TCAIM: variants seen among roughly 807,000 people sequenced by gnomAD.
TCAIM encodes the protein T cell activation inhibitor, mitochondrial.
In TCAIM, 36 loss-of-function variants were observed where a neutral mutation model predicts 58.6. That is an observed-to-expected ratio of 0.61 (90% CI 0.47 to 0.81). The LOEUF (loss-of-function observed/expected upper bound fraction) is 0.81, where lower values mean the gene tolerates loss of function less well. Among genes scored for constraint, TCAIM ranks in the 30% least tolerant of loss-of-function variants. TCAIM has a pLI of 0.00. For missense variants in TCAIM, 466 were observed against 579.6 expected (o/e 0.80, Z 2.01); for synonymous variants, 172 against 193.6 (o/e 0.89, Z 0.93).
intron 5 of TCAIM, among the ~76,000 whole-genome samples, chr3:44,385,096 A>G (rs1416822520): frequency 6.6e-6 from 1 of 152,222 alleles, no homozygotes; most frequent in African/African-American, 2.4e-5. Flanking sequence ...GGGATATGCA[A>G]ATATTGGAAA....
intron 4 of TCAIM, among the ~76,000 whole-genome samples, chr3:44,366,017 G>A (rs1044928908): frequency 2.0e-5 from 3 of 152,296 alleles, no homozygotes; most frequent in Non-Finnish European, 2.9e-5. Flanking sequence ...AAAGCGAAGA[G>A]TCAGCATGTT....
chr3:44,376,675 G>A (rs1701570479), intron 5 of TCAIM, among the ~76,000 whole-genome samples: 1 of 152,246 alleles, frequency 6.6e-6, no homozygotes, highest in Non-Finnish European at 1.5e-5. Flanking sequence ...CAAAAAAGCG[G>A]TAAGACACAT....
chr3:44,383,832 A>T (rs1701692835), intron 5 of TCAIM, among the ~76,000 whole-genome samples: 1 of 145,358 alleles, frequency 6.9e-6, no homozygotes, highest in South Asian at 2.1e-4. Flanking sequence ...AAAAAAAAAA[A>T]AATTTAAATT....
chr3:44,359,070 A>G, intron 3 of TCAIM: 1 of 983,428 alleles, frequency 1.0e-6, no homozygotes, highest in South Asian at 4.7e-5. Flanking sequence ...ATATTATTCT[A>G]CCAATGTATT....
chr3:44,384,862 AGAG>A (rs1701711279), intron 5 of TCAIM, among the ~76,000 whole-genome samples: 1 of 152,192 alleles, frequency 6.6e-6, no homozygotes, highest in Non-Finnish European at 1.5e-5. Context: ...TGCATTGTTT[AGAG>A]GAGATCCCAG....
chr3:44,370,004 A>T (rs933060137), intron 5 of TCAIM, among the ~76,000 whole-genome samples: 2 of 152,198 alleles, frequency 1.3e-5, no homozygotes, highest in African/African-American at 2.4e-5. Context: ...AATGTTAACT[A>T]AAAAAATCTG....
intron 10 of TCAIM, among the ~76,000 whole-genome samples, chr3:44,404,083 A>G (rs952715852): frequency 1.3e-5 from 2 of 151,940 alleles, no homozygotes; most frequent in Non-Finnish European, 2.9e-5. Flanking sequence ...CACTCTTGAC[A>G]TGTTATCCAC....
intron 5 of TCAIM, among the ~76,000 whole-genome samples, chr3:44,390,074 A>G (rs547539799): frequency 6.6e-6 from 1 of 152,202 alleles, no homozygotes; most frequent in African/African-American, 2.4e-5. Context: ...TTCTTATATT[A>G]TATTCTAATT....
chr3:44,389,602 T>C (rs1008252676), intron 5 of TCAIM, among the ~76,000 whole-genome samples: 1 of 152,212 alleles, frequency 6.6e-6, no homozygotes, highest in Non-Finnish European at 1.5e-5. Context: ...TGGAAAATTG[T>C]AATGCCATAT....
At chr3:44,403,144 C>G (rs1330969925) in intron 10 of TCAIM, among the ~76,000 whole-genome samples, 1 of 152,128 alleles carries the variant, frequency 6.6e-6, no homozygotes, top group Non-Finnish European at 1.5e-5. Flanking sequence ...TGGCATGCAC[C>G]TGTAATCCCA....
At chr3:44,388,437 T>C (rs945542335) in intron 5 of TCAIM, among the ~76,000 whole-genome samples, 6 of 152,016 alleles carry the variant, frequency 3.9e-5, no homozygotes, top group Non-Finnish European at 1.5e-5. Flanking sequence ...TGTTTGCTCA[T>C]AATTAGAGTC....
upstream of TCAIM, chr3:44,338,444 C>G (rs933742045): frequency 3.9e-5 from 6 of 152,278 alleles, no homozygotes; most frequent in Admixed American, 6.5e-5. Context: ...TGTGCGCAGG[C>G]GCCGTAGGGG....
At chr3:44,352,574 A>G (rs901723266) in intron 1 of TCAIM, among the ~76,000 whole-genome samples, 7 of 152,138 alleles carry the variant, frequency 4.6e-5, no homozygotes, top group Admixed American at 3.9e-4. Context: ...CTCCCTCACT[A>G]TCAGCATCCA....
chr3:44,342,657 A>T (rs1700877408), intron 1 of TCAIM, among the ~76,000 whole-genome samples: 1 of 152,130 alleles, frequency 6.6e-6, no homozygotes, highest in African/African-American at 2.4e-5. Flanking sequence ...TCTTAAACCA[A>T]AAGAAAGAAA....
At chr3:44,357,516 A>G (rs1701218049) in intron 2 of TCAIM, among the ~76,000 whole-genome samples, 1 of 152,226 alleles carries the variant, frequency 6.6e-6, no homozygotes, top group South Asian at 2.1e-4. Flanking sequence ...GGAAATTATT[A>G]TGTTATTTAA....
chr3:44,354,067 T>C (rs1047828779), intron 1 of TCAIM, among the ~76,000 whole-genome samples: 2 of 152,246 alleles, frequency 1.3e-5, no homozygotes, highest in African/African-American at 2.4e-5. Flanking sequence ...TTTAGGTCTG[T>C]GACCCATTTT....
At chr3:44,384,487 G>A (rs1314361031) in intron 5 of TCAIM, among the ~76,000 whole-genome samples, 2 of 152,162 alleles carry the variant, frequency 1.3e-5, no homozygotes, top group Non-Finnish European at 2.9e-5. Context: ...GGATAATGGG[G>A]GACTTAAGAC....
chr3:44,353,954 C>G (rs1483843726), intron 1 of TCAIM, among the ~76,000 whole-genome samples: 1 of 152,190 alleles, frequency 6.6e-6, no homozygotes, highest in Non-Finnish European at 1.5e-5. Context: ...ACCAGTTAAG[C>G]TGGATAGTGC....
intron 1 of TCAIM, chr3:44,339,992 C>G (rs1700823618): frequency 6.6e-6 from 1 of 152,198 alleles, no homozygotes; most frequent in Non-Finnish European, 1.5e-5. Flanking sequence ...AGTGCAACCT[C>G]TTCAGTTATT....
Sources: allele counts gnomAD v4.1 joint callset (sites outside exome capture counted in the v4.1 genomes callset), GRCh38; gene constraint gnomAD v4.1.1; transcripts MANE v1.5; gene names NCBI Gene and HGNC (gene_info 2026-07-23, HGNC 2026-07-21).